MAJIN: variants seen among roughly 807,000 people sequenced by gnomAD.
MAJIN encodes the protein membrane anchored junction protein.
Under a neutral mutation model 30.2 loss-of-function variants are expected in MAJIN, and 27 were observed. The ratio of observed to expected loss-of-function variants is 0.89; its 90% CI spans 0.66 to 1.23. The LOEUF is 1.23. Among genes scored for constraint, MAJIN ranks in the 50% most tolerant of loss-of-function variants. MAJIN has a pLI of 0.00. For missense variants in MAJIN, 253 were observed against 260.3 expected, an observed-to-expected ratio of 0.97 and a Z score of 0.19; for synonymous variants, 78 against 91.6, an observed-to-expected ratio of 0.85 and a Z score of 0.85.
rs1945689665 is a variant in MAJIN at position 64,959,442 on chromosome 11, A to T, written c.-17-20T>A. On this transcript the variant is annotated intron_variant, in intron 2 of 10. Coordinates refer to ENST00000301896, the MANE Select transcript of MAJIN (RefSeq NM_001037225.3). Reference sequence around the variant, plus strand: ...GATAGCCTAAATAAAATAGAAAGAGAATTACTAAAAAGCTAACGATTGTTC... The same window carrying T: ...GATAGCCTAAATAAAATAGAAAGAGTATTACTAAAAAGCTAACGATTGTTC... The T allele has an allele frequency of 1.9e-6, 3 of 1,568,784 alleles. No homozygotes were observed. In the South Asian group the frequency reaches 3.3e-5, roughly 18 times the overall value.
At chr11:64,950,504 C>T in intron 4 of MAJIN, 74 bp from the exon 5 acceptor site, 3 of 1,263,348 alleles carry the variant, frequency 2.4e-6, no homozygotes, top group Non-Finnish European at 3.5e-6. Context: ...GTCACTGCTA[C>T]TCACATACCC....
At chr11:64,944,000 G>C (rs1347505802) in intron 8 of MAJIN, among the ~76,000 whole-genome samples, 1 of 152,168 alleles carries the variant, frequency 6.6e-6, no homozygotes, top group Non-Finnish European at 1.5e-5. Context: ...CTCTGCCCCT[G>C]CACACAGAGG....
intron 6 of MAJIN, among the ~76,000 whole-genome samples, 159 bp downstream of exon 6, chr11:64,949,584 C>A (rs1945516699): frequency 6.6e-6 from 1 of 152,206 alleles, no homozygotes; most frequent in Non-Finnish European, 1.5e-5. Flanking sequence ...AGTGGCAGGA[C>A]CACCAGTATT....
intron 1 of MAJIN, among the ~76,000 whole-genome samples, chr11:64,963,411 GATA>G (rs1047944763): frequency 6.6e-6 from 1 of 152,308 alleles, no homozygotes; most frequent in Admixed American, 6.5e-5. Flanking sequence ...GCTATATGAG[GATA>G]ATAATATTGA....
At chr11:64,950,475 C>T (rs1395363937) in intron 4 of MAJIN, 45 bp from the exon 5 acceptor site, 2 of 1,552,428 alleles carry the variant, frequency 1.3e-6, no homozygotes, top group Admixed American at 3.4e-5. Context: ...TGAGTCTCAG[C>T]CAGTCTTTGT....
At position 64,949,801 on chromosome 11, in the gene MAJIN, G is replaced by T. The variant is rs868451871; in HGVS notation, c.291C>A (p.Tyr97Ter). Residue 97 changes from tyrosine (Y) to a stop codon, truncating the protein, a stop_gained, in exon 6 of 11, where the codon TAC (tyrosine) becomes TAA (stop). Transcript: ENST00000301896. LOFTEE classifies it high-confidence loss of function. Reference protein sequence around the residue: ...FKHGEIILIPYPFVFTLYVEM... With the variant: ...FKHGEIILIP ...CCACATATAGAGTAAAAACAAATGGGTAGGGGATCAAGATAATTTCCCCAT... is the reference window on the plus strand; with the variant it reads ...CCACATATAGAGTAAAAACAAATGGTTAGGGGATCAAGATAATTTCCCCAT... 6.2e-7 allele frequency: 1 copy of T among 1,611,828 alleles called. No homozygotes were observed. Among genetic ancestry groups the T allele is most frequent in the South Asian group, 1.1e-5 (1 of 91,078 alleles).
intron 8 of MAJIN, among the ~76,000 whole-genome samples, chr11:64,946,984 G>T (rs1204803852): frequency 1.3e-5 from 2 of 152,082 alleles, no homozygotes. Context: ...GGGTAAAATA[G>T]AATTATATTT....
chr11:64,963,625 G>C (rs1295603790), intron 1 of MAJIN, among the ~76,000 whole-genome samples: 5 of 152,172 alleles, frequency 3.3e-5, no homozygotes, highest in Non-Finnish European at 7.3e-5. Flanking sequence ...ATCACCTGAG[G>C]TCGGGAGTTT....
At chr11:64,941,605 G>A (rs1590688983) in intron 8 of MAJIN, among the ~76,000 whole-genome samples, 2 of 152,114 alleles carry the variant, frequency 1.3e-5, no homozygotes, top group Non-Finnish European at 2.9e-5. Flanking sequence ...AGCCAAGGTC[G>A]CGCCATTGCA....
In MAJIN at chr11:64,959,340, C is replaced by T; in HGVS notation, c.66G>A (p.Val22=). The T allele has an allele frequency of 4.3e-6, 7 of 1,613,968 alleles. No individual in the cohort carries two copies. Among genetic ancestry groups the T allele is most frequent in the Non-Finnish European group, 5.9e-6 (7 of 1,179,910 alleles). The change falls in exon 3 of 11, where the codon GTG becomes GTA. Residue 22 remains valine, a synonymous_variant. Coordinates refer to ENST00000301896, the MANE Select transcript of MAJIN (RefSeq NM_001037225.3). ...TCCCATATCTGATTTTGAATTTATA[C>T]ACATTGGGTCCTGCATGAAGAAACC... is the stretch of plus-strand genomic sequence containing the variant. ...ETRFLHAGPN[V]YKFKIRYGKS...
chr11:64,970,727 T>C (rs541597961), intron 1 of MAJIN, among the ~76,000 whole-genome samples: 2 of 152,234 alleles, frequency 1.3e-5, no homozygotes, highest in East Asian at 3.9e-4. Context: ...CGGCAAAGTA[T>C]ACCTGCTGGC....
At chr11:64,963,835 T>A (rs1217841350) in intron 1 of MAJIN, among the ~76,000 whole-genome samples, 1 of 151,522 alleles carries the variant, frequency 6.6e-6, no homozygotes, top group African/African-American at 2.4e-5. Context: ...CAAGACCCCA[T>A]CTCAAGACCA....
intron 3 of MAJIN, among the ~76,000 whole-genome samples, chr11:64,955,513 T>C (rs1001176386): frequency 2.0e-5 from 3 of 152,222 alleles, no homozygotes; most frequent in Non-Finnish European, 4.4e-5. Context: ...TCATGGAATA[T>C]TTTACTTGAA....
chr11:64,967,786 AG>A (rs1945835503), intron 1 of MAJIN, among the ~76,000 whole-genome samples: 1 of 152,206 alleles, frequency 6.6e-6, no homozygotes, highest in Admixed American at 6.6e-5. Context: ...AAGTAACAAG[AG>A]AGACATGATC....
chr11:64,956,421 GGAGGTTGCAGT>G (rs1184926992), intron 3 of MAJIN, among the ~76,000 whole-genome samples: 2 of 151,818 alleles, frequency 1.3e-5, no homozygotes, highest in African/African-American at 4.8e-5. Context: ...CCCGGGAGGT[GGAGGTTGCAGT>G]GAGCCAAGAT....
chr11:64,960,094 T>C lies in MAJIN; in HGVS notation c.-23A>G, dbSNP rs1247573628. 1 of 152,190 alleles carries C rather than the reference T, an allele frequency of 6.6e-6. No homozygotes were observed. The highest frequency in any genetic ancestry group is 1.5e-5 in the Non-Finnish European group (1 of 68,038). The allele number at this position is 152,190 out of a possible 1,614,324, so 9.4% of individuals were successfully genotyped here. On this transcript the variant is annotated 5_prime_UTR_variant, in exon 2 of 11. The change creates a new upstream start codon in the 5' untranslated region. Coordinates refer to ENST00000301896, the MANE Select transcript of MAJIN (RefSeq NM_001037225.3). ...ACTATACCCCTAGCACTTACTGTTT[T>C]ATTTCTCCTGTTCTAGAATCTCTGT...
At chr11:64,971,609 G>A (rs1377697424) in intron 1 of MAJIN, among the ~76,000 whole-genome samples, 1 of 151,940 alleles carries the variant, frequency 6.6e-6, no homozygotes, top group African/African-American at 2.4e-5. Flanking sequence ...GAGGCCTGGA[G>A]CCCCCCGGTC....
rs572358835 is a variant in MAJIN, at chr11:64,947,084, T to C, written c.473+290A>G. Among the ~76,000 whole-genome samples the C allele has an allele frequency of 2.0e-5, 3 of 152,360 alleles. No homozygotes were observed. The South Asian group carries it at 6.2e-4, about 32-fold the overall frequency. ...CCTGTGCCTTCTGGTGATATTAACA[T>C]AGTAAGTATTATTGAATGTGCTGAA... On this transcript the variant is annotated intron_variant, in intron 8 of 10. Transcript: ENST00000301896.
At chr11:64,965,955 CAAA>C (rs1299713572) in intron 1 of MAJIN, among the ~76,000 whole-genome samples, 8 of 83,430 alleles carry the variant, frequency 9.6e-5, no homozygotes, top group Admixed American at 1.4e-4. Context: ...GACTCTGTCT[CAAA>C]AAAAAAAAAA....
Sources: allele counts gnomAD v4.1 joint callset (sites outside exome capture counted in the v4.1 genomes callset), GRCh38; gene constraint gnomAD v4.1.1; transcripts MANE v1.5; gene names NCBI Gene and HGNC (gene_info 2026-07-23, HGNC 2026-07-21).